The following CA10 variants were observed in gnomAD, a reference collection of about 807,000 sequenced individuals.
CA10 encodes carbonic anhydrase-related protein 10.
Under a neutral mutation model 44.2 loss-of-function variants are expected in CA10, and 14 were observed. The observed-to-expected ratio is 0.32, with a 90% CI of 0.21 to 0.50. The LOEUF (loss-of-function observed/expected upper bound fraction) is 0.50, where lower values mean the gene tolerates loss of function less well. CA10 is among the 20% of genes least tolerant of loss of function. The probability of loss-of-function intolerance (pLI) is 0.99; values close to 1 mark genes in which losing one functional copy is unlikely to be tolerated. For synonymous variants in CA10, 159 were observed against 141.6 expected, an observed-to-expected ratio of 1.12 and a Z score of -0.87; for missense variants, 350 against 409.7, an observed-to-expected ratio of 0.85 and a Z score of 1.26.
chr17:52,120,557 A>G (rs1988994366), intron 1 of CA10, among the ~76,000 whole-genome samples: 1 of 152,190 alleles, frequency 6.6e-6, no homozygotes, highest in African/African-American at 2.4e-5. Context: ...GGAATGATAG[A>G]TGCAGGAGGC....
At chr17:51,896,939 TG>T (rs1001758119) in intron 3 of CA10, among the ~76,000 whole-genome samples, 12 of 152,086 alleles carry the variant, frequency 7.9e-5, no homozygotes, top group African/African-American at 2.9e-4. Flanking sequence ...TTTTTTAATT[TG>T]TTTAAGTTGC....
At chr17:51,961,188 AACACACACACAC>A (rs71149387) in intron 2 of CA10, among the ~76,000 whole-genome samples, 11 of 145,100 alleles carry the variant, frequency 7.6e-5, no homozygotes, top group East Asian at 2.1e-4. Flanking sequence ...TGTACACACA[AACACACACACAC>A]ACACACACAC....
intron 3 of CA10, among the ~76,000 whole-genome samples, chr17:51,877,187 G>A (rs1217116007): frequency 2.6e-5 from 4 of 152,186 alleles, no homozygotes; most frequent in Admixed American, 1.3e-4. Context: ...CAGTCCAGAT[G>A]GTGGAGATGT....
At chr17:51,823,224 C>G (rs1907881686) in intron 3 of CA10, among the ~76,000 whole-genome samples, 1 of 152,178 alleles carries the variant, frequency 6.6e-6, no homozygotes, top group African/African-American at 2.4e-5. Flanking sequence ...TAGCGAAATG[C>G]CCAGGCGGTC....
chr17:51,973,874 A>T (rs1984366612), intron 2 of CA10, among the ~76,000 whole-genome samples: 1 of 152,222 alleles, frequency 6.6e-6, no homozygotes, highest in African/African-American at 2.4e-5. Flanking sequence ...ATGACACATA[A>T]TTGGGAAGTA....
At chr17:51,769,335 A>G (rs1436604633) in intron 3 of CA10, among the ~76,000 whole-genome samples, 1 of 152,284 alleles carries the variant, frequency 6.6e-6, no homozygotes, top group African/African-American at 2.4e-5. Flanking sequence ...GAAATATAAT[A>G]CAAAGATAAA....
chr17:51,648,103 G>A (rs111521290), intron 6 of CA10, among the ~76,000 whole-genome samples: 22 of 152,350 alleles, frequency 1.4e-4, no homozygotes, highest in African/African-American at 5.3e-4. Context: ...TGTCGAATAA[G>A]TGAGTAAACG....
At chr17:51,792,881 T>C (rs1469531798) in intron 3 of CA10, among the ~76,000 whole-genome samples, 1 of 152,224 alleles carries the variant, frequency 6.6e-6, no homozygotes, top group Admixed American at 6.5e-5. Context: ...CAAAAGACTA[T>C]ACGGTATATA....
At position 51,702,509 on chromosome 17, in the gene CA10, A is replaced by C. The variant is rs141796037; in HGVS notation, c.465+45124T>G. 8.3e-4 allele frequency among the ~76,000 whole-genome samples: 127 copies of C among 152,312 alleles called. No individual in the cohort carries two copies. The South Asian group carries it at 0.012, about 15-fold the overall frequency. On this transcript the variant is annotated intron_variant, in intron 4 of 8. Transcript: ENST00000451037. ...GTTGACATTTTCTCTTTTACAGAGAATCTTTACCTTTATAAATCACTTTCA... is the reference window on the plus strand; with the variant it reads ...GTTGACATTTTCTCTTTTACAGAGACTCTTTACCTTTATAAATCACTTTCA...
intron 1 of CA10, among the ~76,000 whole-genome samples, chr17:52,119,313 C>T (rs1352976629): frequency 6.6e-6 from 1 of 152,070 alleles, no homozygotes; most frequent in African/African-American, 2.4e-5. Flanking sequence ...CAACAGAATG[C>T]AAGTGGAGAA....
At chr17:52,004,836 A>C (rs1161996083) in intron 2 of CA10, among the ~76,000 whole-genome samples, 1 of 151,876 alleles carries the variant, frequency 6.6e-6, no homozygotes, top group Non-Finnish European at 1.5e-5. Flanking sequence ...CCCATCCTCT[A>C]ATGCAAAACT....
intron 3 of CA10, among the ~76,000 whole-genome samples, chr17:51,874,261 A>G (rs988649403): frequency 1.3e-5 from 2 of 152,106 alleles, no homozygotes; most frequent in African/African-American, 4.8e-5. Flanking sequence ...ATTTTCCTTG[A>G]GAGTTAAGAA....
At chr17:51,636,610 T>A (rs944608436) in intron 6 of CA10, among the ~76,000 whole-genome samples, 1 of 152,146 alleles carries the variant, frequency 6.6e-6, no homozygotes, top group African/African-American at 2.4e-5. Flanking sequence ...CTCCTAGGCA[T>A]TACAGGTATC....
chr17:51,956,023 A>C (rs919126739), intron 2 of CA10, among the ~76,000 whole-genome samples: 1 of 152,170 alleles, frequency 6.6e-6, no homozygotes, highest in African/African-American at 2.4e-5. Context: ...AGATTTCCAA[A>C]AATGTTGCAG....
chr17:51,893,004 A>C (rs1342517781), intron 3 of CA10, among the ~76,000 whole-genome samples: 1 of 152,172 alleles, frequency 6.6e-6, no homozygotes, highest in Non-Finnish European at 1.5e-5. Flanking sequence ...TAAAATTGAT[A>C]GTTTATAAAA....
intron 4 of CA10, among the ~76,000 whole-genome samples, chr17:51,705,022 C>G (rs1274122436): frequency 6.7e-6 from 1 of 149,574 alleles, no homozygotes; most frequent in Admixed American, 6.6e-5. Context: ...TCTTTTTTTT[C>G]ATTCATCCCT....
At chr17:51,762,013 C>CTAA (rs1173076449) in intron 3 of CA10, 10 of 152,158 alleles carry the variant, frequency 6.6e-5, no homozygotes, top group African/African-American at 2.2e-4. Context: ...TCTAGATATA[C>CTAA]TAATAATAAT....
At chr17:52,125,451 T>C (rs1444639800) in intron 1 of CA10, among the ~76,000 whole-genome samples, 2 of 152,180 alleles carry the variant, frequency 1.3e-5, no homozygotes, top group African/African-American at 2.4e-5. Flanking sequence ...AGTCCCATCA[T>C]GCATGCACAG....
chr17:51,820,178 G>A (rs934632282), intron 3 of CA10, among the ~76,000 whole-genome samples: 10 of 126,960 alleles, frequency 7.9e-5, no homozygotes, highest in African/African-American at 1.2e-4. Context: ...ACATGAACCT[G>A]AGCGCCGCCC....
Sources: gnomAD v4.1 joint callset for allele counts (sites outside exome capture counted in the v4.1 genomes callset) on GRCh38, gnomAD v4.1.1 for gene constraint, MANE v1.5 for transcripts, NCBI Gene and HGNC (gene_info 2026-07-23, HGNC 2026-07-21) for gene names.